The following COLEC12 variants were observed in gnomAD, a reference collection of about 807,000 sequenced individuals.
COLEC12 encodes the protein collectin subfamily member 12, also known as collectin-12.
A neutral mutation model predicts 71.1 loss-of-function variants in COLEC12; 33 were observed. The observed-to-expected ratio is 0.46, with a 90% CI of 0.35 to 0.62. The LOEUF (loss-of-function observed/expected upper bound fraction) is 0.62. Ranked by LOEUF, COLEC12 falls within the 20% of genes least tolerant of loss-of-function variation. COLEC12 has a pLI of 0.00. For synonymous variants in COLEC12, 350 were observed against 353.0 expected, an observed-to-expected ratio of 0.99 and a Z score of 0.10; for missense variants, 765 against 916.1, an observed-to-expected ratio of 0.84 and a Z score of 2.13.
At position 399,385 on chromosome 18, in the gene COLEC12, G is replaced by T. The variant is rs1394882866; in HGVS notation, c.59-41863C>A. 2.0e-5 allele frequency among the ~76,000 whole-genome samples: 3 copies of T among 152,194 alleles called. No individual in the cohort carries two copies. The highest frequency in any genetic ancestry group is 4.4e-5 in the Non-Finnish European group (3 of 68,032). The stretch of plus-strand genomic sequence containing the variant: ...AAGGGTTCTCATCACTGTGTAGCGC[G>T]CAGCTCTGTGCCCCTGCCCAGCCAC... On this transcript the variant is annotated intron_variant, in intron 2 of 9. Coordinates refer to ENST00000400256, the MANE Select transcript of COLEC12 (RefSeq NM_130386.3). The surrounding 1 kb of genome is among the most constrained non-coding windows in gnomAD (Gnocchi z 4.0).
intron 3 of COLEC12, among the ~76,000 whole-genome samples, chr18:353,657 C>A (rs1369896327): frequency 6.6e-6 from 1 of 152,202 alleles, no homozygotes; most frequent in Non-Finnish European, 1.5e-5. Context: ...TGGTCTCGGC[C>A]CTGAGGACAG....
At chr18:368,493 G>A (rs1248175759) in intron 2 of COLEC12, among the ~76,000 whole-genome samples, 7 of 152,164 alleles carry the variant, frequency 4.6e-5, no homozygotes, top group South Asian at 4.1e-4. Context: ...AGAATCGCTC[G>A]ATCCTGGGAG....
chr18:332,464 T>C (rs1188790583), intron 7 of COLEC12, among the ~76,000 whole-genome samples: 1 of 152,202 alleles, frequency 6.6e-6, no homozygotes, highest in African/African-American at 2.4e-5. Flanking sequence ...GCCTCAGTTT[T>C]CCTAGCCGTC....
At chr18:459,884 G>A (rs1916944545) in intron 2 of COLEC12, among the ~76,000 whole-genome samples, 1 of 152,184 alleles carries the variant, frequency 6.6e-6, no homozygotes, top group Non-Finnish European at 1.5e-5. Context: ...TAGCTAATCA[G>A]ATTGTTGTCT....
At chr18:486,622 C>A (rs904380271) in intron 1 of COLEC12, among the ~76,000 whole-genome samples, 6 of 152,190 alleles carry the variant, frequency 3.9e-5, no homozygotes, top group African/African-American at 1.4e-4. Context: ...AGGGGTTCCA[C>A]ACCATGATGG....
At chr18:336,134 A>G (rs182960534) in intron 5 of COLEC12, among the ~76,000 whole-genome samples, 12 of 152,350 alleles carry the variant, frequency 7.9e-5, no homozygotes, top group Admixed American at 3.9e-4. Flanking sequence ...AACCAAGCCT[A>G]TAACTTCCCT....
At chr18:496,265 G>A (rs1258930648) in intron 1 of COLEC12, among the ~76,000 whole-genome samples, 1 of 152,160 alleles carries the variant, frequency 6.6e-6, no homozygotes, top group Non-Finnish European at 1.5e-5. Flanking sequence ...CAGTGGATGA[G>A]CCACATGGCA....
chr18:317,374 A>G lies in COLEC12; in HGVS notation c.*2671T>C, dbSNP rs1472092881. ...CCTTCCTTCTAAAGAAAATTAGAAC[A>G]TTTTCAAAGCTTGCGTCTGAATCCT... is the stretch of plus-strand genomic sequence containing the variant. On this transcript the variant is annotated 3_prime_UTR_variant, in exon 10 of 10. Transcript: ENST00000400256. The G allele has an allele frequency of 6.6e-6, 1 of 152,174 alleles. No homozygotes were observed. The highest frequency in any genetic ancestry group is 1.5e-5 in the Non-Finnish European group (1 of 68,028). 9.4% of individuals were successfully genotyped at this position (152,174 alleles called of 1,614,324 possible). A position where few individuals can be genotyped will look rare whatever the true frequency, so the allele number is the denominator to read the frequency against.
chr18:480,103 G>A lies in COLEC12; in HGVS notation c.58+604C>T, dbSNP rs543124640. 3.9e-5 allele frequency among the ~76,000 whole-genome samples: 6 copies of A among 152,156 alleles called. No homozygotes were observed. The highest frequency in any genetic ancestry group is 6.5e-5 in the Admixed American group (1 of 15,278). Reference sequence around the variant, plus strand: ...CTCTCTTACAAGGACGCTTGTGATGGCTTTCAGGGCCCACCCAGGTAACCC... The same window carrying A: ...CTCTCTTACAAGGACGCTTGTGATGACTTTCAGGGCCCACCCAGGTAACCC... On this transcript the variant is annotated intron_variant, in intron 2 of 9. Coordinates refer to ENST00000400256, the MANE Select transcript of COLEC12 (RefSeq NM_130386.3). This position sits in a 1 kb window ranked among gnomAD's most constrained non-coding sequence, Gnocchi z 4.1.
chr18:466,139 C>A (rs994186759), intron 2 of COLEC12, among the ~76,000 whole-genome samples: 5 of 152,106 alleles, frequency 3.3e-5, no homozygotes, highest in African/African-American at 1.2e-4. Flanking sequence ...ACTAGGGAGG[C>A]TGAGGCAGGA....
At chr18:410,633 C>T (rs900606372) in intron 2 of COLEC12, among the ~76,000 whole-genome samples, 2 of 152,090 alleles carry the variant, frequency 1.3e-5, no homozygotes, top group African/African-American at 4.8e-5. Flanking sequence ...CCATGTTGCC[C>T]AGGCTGGTCT....
At chr18:386,978 C>T (rs991420112) in intron 2 of COLEC12, among the ~76,000 whole-genome samples, 2 of 152,122 alleles carry the variant, frequency 1.3e-5, no homozygotes, top group Non-Finnish European at 2.9e-5. Flanking sequence ...GAACGCAGAC[C>T]GCTACCATAT....
chr18:328,030 G>T (rs1317232401), intron 8 of COLEC12, among the ~76,000 whole-genome samples: 3 of 151,964 alleles, frequency 2.0e-5, no homozygotes, highest in Non-Finnish European at 2.9e-5. Context: ...AAGAGATGGG[G>T]TCTTGCTCTA....
chr18:441,055 T>C (rs376751290), intron 2 of COLEC12, among the ~76,000 whole-genome samples: 34 of 149,356 alleles, frequency 2.3e-4, no homozygotes, highest in African/African-American at 4.4e-4. Context: ...GAGACCATCC[T>C]GGCTAACACA....
At chr18:340,635 T>C (rs1914230163) in intron 5 of COLEC12, among the ~76,000 whole-genome samples, 1 of 152,194 alleles carries the variant, frequency 6.6e-6, no homozygotes, top group Non-Finnish European at 1.5e-5. Context: ...TAATTCTTAC[T>C]GCCATCCAAA....
chr18:326,597 C>T (rs1452512644), intron 8 of COLEC12, among the ~76,000 whole-genome samples: 2 of 152,230 alleles, frequency 1.3e-5, no homozygotes, highest in African/African-American at 4.8e-5. Flanking sequence ...GATCCACCTG[C>T]CTTGGCCCCC....
At chr18:368,937 T>C (rs573895020) in intron 2 of COLEC12, among the ~76,000 whole-genome samples, 1 of 152,298 alleles carries the variant, frequency 6.6e-6, no homozygotes, top group South Asian at 2.1e-4. Context: ...CATGGGTTTA[T>C]CATGGGCGTG....
At chr18:483,346 A>G (rs1489878688) in intron 1 of COLEC12, among the ~76,000 whole-genome samples, 2 of 151,800 alleles carry the variant, frequency 1.3e-5, no homozygotes, top group Non-Finnish European at 2.9e-5. Context: ...GCAGTGAGCC[A>G]AGATCACGCC....
intron 2 of COLEC12, among the ~76,000 whole-genome samples, chr18:448,773 C>T (rs557112930): frequency 1.1e-3 from 171 of 152,228 alleles, no homozygotes; most frequent in African/African-American, 3.9e-3. Flanking sequence ...AGATCCTTTT[C>T]TATTATATAG....
Sources: allele counts gnomAD v4.1 joint callset (sites outside exome capture counted in the v4.1 genomes callset), GRCh38; gene constraint gnomAD v4.1.1; non-coding constraint Gnocchi (gnomAD v3.1); transcripts MANE v1.5; gene names NCBI Gene and HGNC (gene_info 2026-07-23, HGNC 2026-07-21).